The following MYL5 variants were observed in gnomAD, a reference collection of about 807,000 sequenced individuals.
MYL5 encodes the protein myosin light chain 5.
A neutral mutation model predicts 20.8 loss-of-function variants in MYL5; 28 were observed. The observed-to-expected ratio is 1.35, with a 90% CI of 1.00 to 1.84. MYL5 has a LOEUF of 1.84. MYL5 is among the 40% of genes most tolerant of loss of function. The probability of loss-of-function intolerance (pLI) is 0.00; values close to 1 mark genes in which losing one functional copy is unlikely to be tolerated. For synonymous variants in MYL5, 118 were observed against 87.4 expected, an observed-to-expected ratio of 1.35 and a Z score of -1.95; for missense variants, 274 against 227.3, an observed-to-expected ratio of 1.21 and a Z score of -1.32.
At chr4:679,119 G>T in intron 3 of MYL5, 86 bp downstream of exon 5, 1 of 1,321,520 alleles carries the variant, frequency 7.6e-7, no homozygotes, top group Non-Finnish European at 1.1e-6. Context: ...GCCCCTCCTC[G>T]AATGGAGCCA....
intron 5 of MYL5, chr4:680,848 C>G: frequency 1.6e-6 from 1 of 635,300 alleles, no homozygotes; most frequent in East Asian, 2.7e-5. Context: ...TGCTAGGCGC[C>G]GGGGAAAGTA....
rs533639266 is a variant in MYL5, at chr4:679,137, C to T, written c.187+104C>T. 4.6e-5 allele frequency: 40 copies of T among 865,692 alleles called. No homozygotes were observed. In the African/African-American group the frequency reaches 8.2e-4, roughly 18 times the overall value. The allele number at this position is 865,692 out of a possible 1,614,324, so 53.6% of individuals were successfully genotyped here. A position where few individuals can be genotyped will look rare whatever the true frequency, so the allele number is the denominator to read the frequency against. On this transcript the variant is annotated intron_variant, in intron 3 of 6. Transcript: ENST00000400159. The stretch of plus-strand genomic sequence containing the variant: ...CCTCCTCGAATGGAGCCAGGGCCCG[C>T]GCCTCAGAGGCCCACCAACGGCCCT...
At position 678,049 on chromosome 4, in the gene MYL5, T is replaced by C. The variant is rs1194731081; in HGVS notation, c.3+20T>C. On this transcript the variant is annotated intron_variant, in intron 1 of 6. Transcript: ENST00000400159. Reference sequence around the variant, plus strand: ...GGCATGGTGAGCAGGCCGCCGTGCATGCCTGGGGCAGGCGTGTGGGTGTGA... The same window carrying C: ...GGCATGGTGAGCAGGCCGCCGTGCACGCCTGGGGCAGGCGTGTGGGTGTGA... 1.2e-6 allele frequency: 2 copies of C among 1,612,992 alleles called. No homozygotes were observed. Among genetic ancestry groups the C allele is most frequent in the African/African-American group, 1.3e-5 (1 of 74,926 alleles).
exon 3 of MYL5, chr4:678,999 C>G (rs762758004): frequency 4.3e-6 from 7 of 1,613,688 alleles, no homozygotes; most frequent in Non-Finnish European, 5.9e-6. Flanking sequence ...GCTTCATTGA[C>G]AAGGAGGACC....
chr4:680,362 G>A, intron 4 of MYL5, 147 bp from the exon 7 acceptor site: 2 of 860,644 alleles, frequency 2.3e-6, no homozygotes, highest in Non-Finnish European at 3.8e-6. Context: ...CAGGAAAGGA[G>A]AAGGCCTTCA....
rs529244517 is a variant in MYL5, at chr4:681,819, C to T, written c.421-74C>T. On this transcript the variant is annotated intron_variant, in intron 6 of 6. Transcript: ENST00000400159. The stretch of plus-strand genomic sequence containing the variant: ...CCCTCCCGCGGCGCAGAAACCACAC[C>T]CGGGGCCGCTGCAGGTGCGCGCTTG... 202 of 1,263,762 alleles carry T rather than the reference C, an allele frequency of 1.6e-4. 2 individuals are homozygous for T. In the South Asian group the frequency reaches 5.2e-3, roughly 33 times the overall value. 78.3% of individuals were successfully genotyped at this position (1,263,762 alleles called of 1,614,324 possible). A position where few individuals can be genotyped will look rare whatever the true frequency, so the allele number is the denominator to read the frequency against.
At chr4:675,883 G>A (rs1738798740), upstream of MYL5, 1 of 152,296 alleles carries the variant, frequency 6.6e-6, no homozygotes, top group Non-Finnish European at 1.5e-5. Context: ...ATGAACTGAG[G>A]TGGAATAGTT....
chr4:674,583 C>A, upstream of MYL5: 1 of 404,762 alleles, frequency 2.5e-6, no homozygotes, highest in Non-Finnish European at 4.5e-6. Flanking sequence ...CCCCGCGCTG[C>A]TGCCGAGGCC....
Position 680,033 on chromosome 4 carries a change from G to C in MYL5, c.292+15G>C, listed in dbSNP as rs1454179554. 1.3e-6 allele frequency: 2 copies of C among 1,590,804 alleles called. No individual in the cohort carries two copies. The highest frequency in any genetic ancestry group is 2.7e-5 in the African/African-American group (2 of 74,134). ...GAAGCTGAGCGGTGAGCACCGGTGG[G>C]GCAGGCCTGGCCCTCCTAGCTAATT... On this transcript the variant is annotated intron_variant, in intron 4 of 6. Coordinates refer to ENST00000400159, the Ensembl canonical transcript of MYL5.
At chr4:680,114 G>A (rs1402367753) in intron 4 of MYL5, 96 bp downstream of exon 6, 2 of 1,227,966 alleles carry the variant, frequency 1.6e-6, no homozygotes, top group South Asian at 1.5e-5. Flanking sequence ...TCCAATCTCT[G>A]GAGAAGCCCT....
At chr4:675,693 C>T (rs965132248), upstream of MYL5, 1 of 152,360 alleles carries the variant, frequency 6.6e-6, no homozygotes, top group African/African-American at 2.4e-5. Context: ...AGGTGCAGAC[C>T]AGTACCAGCT....
At position 678,459 on chromosome 4, in the gene MYL5, G is replaced by A. The variant is rs1224771510; in HGVS notation, c.4-199G>A. ...TCCCTCCCCCAGTCCCTGTGCTGAAGCCAGACACCTGCAGCCGTCCTGCCC... is the reference window on the plus strand; with the variant it reads ...TCCCTCCCCCAGTCCCTGTGCTGAAACCAGACACCTGCAGCCGTCCTGCCC... On this transcript the variant is annotated intron_variant, in intron 1 of 6. Transcript: ENST00000400159. 2.1e-6 allele frequency: 3 copies of A among 1,430,516 alleles called. No homozygotes were observed. The Admixed American group carries it at 8.7e-5, about 41-fold the overall frequency. 88.6% of individuals were successfully genotyped at this position (1,430,516 alleles called of 1,614,324 possible).
upstream of MYL5, chr4:676,536 G>C (rs912146705): frequency 6.6e-6 from 1 of 152,276 alleles, no homozygotes; most frequent in African/African-American, 2.4e-5. Context: ...GTCAGCTGTG[G>C]GTGCAGAAGC....
chr4:677,864 C>G (rs1001208988), upstream of MYL5: 5 of 1,240,300 alleles, frequency 4.0e-6, no homozygotes, highest in African/African-American at 7.4e-5. Flanking sequence ...GCCAGGCTGC[C>G]AAAGCTCACT....
Position 678,018 on chromosome 4 carries a change from G to GAAGCAGGCATGGT in MYL5, c.-8_3+2dup. On this transcript the variant is annotated 5_prime_UTR_variant, in exon 1 of 7. In the 5' UTR this introduces an upstream ATG that the reference lacks. Coordinates refer to ENST00000400159, the Ensembl canonical transcript of MYL5. ...CTGGGCAGACGCATCAAAGCAGGCA[G>GAAGCAGGCATGGT]AAGCAGGCATGGTGAGCAGGCCGCC... 2 of 1,612,558 alleles carry GAAGCAGGCATGGT rather than the reference G, an allele frequency of 1.2e-6. No homozygotes were observed. Among genetic ancestry groups the GAAGCAGGCATGGT allele is most frequent in the Non-Finnish European group, 1.7e-6 (2 of 1,179,968 alleles).
At chr4:676,677 A>G (rs1179033593), upstream of MYL5, among the ~76,000 whole-genome samples, 3 of 151,678 alleles carry the variant, frequency 2.0e-5, no homozygotes, top group Non-Finnish European at 4.4e-5. Flanking sequence ...CCTCCCAACC[A>G]TGCTTCCCCC....
At chr4:677,733 C>A (rs115100853), upstream of MYL5, among the ~76,000 whole-genome samples, 571 of 152,290 alleles carry the variant, frequency 3.7e-3, 7 homozygotes, top group African/African-American at 0.013. Context: ...ACACAGAATC[C>A]TTGGGAGAAC....
intron 3 of MYL5, 92 bp from the exon 6 acceptor site, chr4:679,822 A>C: frequency 7.9e-6 from 8 of 1,012,984 alleles, no homozygotes; most frequent in Non-Finnish European, 7.5e-6. Flanking sequence ...CACCCTTCCC[A>C]TCTGCCTGCC....
At chr4:680,375 C>T (rs1434095003) in intron 4 of MYL5, 134 bp from the exon 7 acceptor site, 2 of 953,408 alleles carry the variant, frequency 2.1e-6, no homozygotes, top group Non-Finnish European at 3.3e-6. Flanking sequence ...GGCCTTCAGG[C>T]AGAGGCCACC....
Sources: gnomAD v4.1 joint callset for allele counts (sites outside exome capture counted in the v4.1 genomes callset) on GRCh38, gnomAD v4.1.1 for gene constraint, MANE v1.5 for transcripts, NCBI Gene and HGNC (gene_info 2026-07-23, HGNC 2026-07-21) for gene names.